PDZD2: variants seen among roughly 807,000 people sequenced by gnomAD.
PDZD2 encodes PDZ domain containing 2.
In PDZD2, 90 loss-of-function variants were observed where a neutral mutation model predicts 220.7. The observed-to-expected ratio is 0.41, with a 90% CI of 0.34 to 0.49. The LOEUF is 0.49. PDZD2 is among the 20% of genes least tolerant of loss of function. The pLI, the probability that PDZD2 is intolerant of heterozygous loss-of-function variation, is 0.28. For synonymous variants in PDZD2, 1,375 were observed against 1,450.5 expected (o/e 0.95, Z 1.18); for missense variants, 3,174 against 3,608.5 (o/e 0.88, Z 3.08).
chr5:31,839,038 A>G (rs893852867), intron 2 of PDZD2, among the ~76,000 whole-genome samples: 11 of 152,124 alleles, frequency 7.2e-5, no homozygotes, highest in Admixed American at 7.2e-4. Context: ...CTCACCAGAA[A>G]GAGATTTGGG....
At chr5:31,767,727 C>CA (rs760723122) in intron 1 of PDZD2, among the ~76,000 whole-genome samples, 18 of 152,296 alleles carry the variant, frequency 1.2e-4, no homozygotes, top group Middle Eastern at 3.4e-3. Flanking sequence ...AGACTTGAAG[C>CA]AATTGCCCAG....
intron 7 of PDZD2, among the ~76,000 whole-genome samples, chr5:32,037,588 A>G (rs1347671779): frequency 1.3e-5 from 2 of 152,182 alleles, no homozygotes; most frequent in African/African-American, 2.4e-5. Flanking sequence ...GTCCTGAAAC[A>G]TGACTGTCTT....
chr5:31,949,611 G>C (rs922894383), intron 2 of PDZD2, among the ~76,000 whole-genome samples: 1 of 151,176 alleles, frequency 6.6e-6, no homozygotes, highest in Non-Finnish European at 1.5e-5. Flanking sequence ...TGTTCTTCGG[G>C]GTTAAGCACC....
intron 1 of PDZD2, among the ~76,000 whole-genome samples, chr5:31,776,538 G>A (rs1436736664): frequency 1.3e-5 from 2 of 150,290 alleles, no homozygotes; most frequent in Non-Finnish European, 3.0e-5. Context: ...GGCTGGTCTC[G>A]AACTCCTGAC....
intron 2 of PDZD2, among the ~76,000 whole-genome samples, chr5:31,932,364 C>A (rs928114783): frequency 6.6e-6 from 1 of 152,098 alleles, no homozygotes; most frequent in South Asian, 2.1e-4. Flanking sequence ...GCCTGGCCAA[C>A]ATGGTGAAAC....
At chr5:31,999,091 T>C (rs557426114) in intron 4 of PDZD2, among the ~76,000 whole-genome samples, 9 of 152,370 alleles carry the variant, frequency 5.9e-5, no homozygotes, top group Admixed American at 5.2e-4. Context: ...CACCTGAGTC[T>C]CTTGCCAGCC....
At chr5:32,027,447 G>C (rs1409312758) in intron 6 of PDZD2, among the ~76,000 whole-genome samples, 1 of 152,186 alleles carries the variant, frequency 6.6e-6, no homozygotes, top group Non-Finnish European at 1.5e-5. Flanking sequence ...GGTGATGAAT[G>C]GGAGGAAGCT....
At chr5:31,711,374 A>G (rs417376) in intron 1 of PDZD2, among the ~76,000 whole-genome samples, 115,120 of 152,184 alleles carry the variant, frequency 0.76, 43,661 homozygotes, top group East Asian at 0.94. Context: ...AAACAGAGGA[A>G]AGGGTCTCTT....
chr5:31,984,904 A>G (rs1347013167), intron 3 of PDZD2, among the ~76,000 whole-genome samples: 2 of 152,194 alleles, frequency 1.3e-5, no homozygotes, highest in African/African-American at 4.8e-5. Flanking sequence ...GATTTCTGCC[A>G]TTATAGCCAA....
chr5:31,878,670 C>T (rs1004690976), intron 2 of PDZD2, among the ~76,000 whole-genome samples: 7 of 147,752 alleles, frequency 4.7e-5, no homozygotes, highest in African/African-American at 1.5e-4. Context: ...ACGCCATTCT[C>T]CTGCCTCAGC....
In PDZD2 at chr5:31,667,832, G is replaced by A. The variant is rs1746052882; in HGVS notation, c.-361+28395G>A. On this transcript the variant is annotated intron_variant, in intron 1 of 24. Coordinates refer to ENST00000438447, the MANE Select transcript of PDZD2 (RefSeq NM_178140.4). ...GGAAGGTAGAGGGGAAGTCTGCAGA[G>A]AACAAACTGCCTTTTTTTTTTCCTT... Among the ~76,000 whole-genome samples the A allele has an allele frequency of 3.4e-5, 5 of 145,882 alleles. No homozygotes were observed. The South Asian group carries it at 1.1e-3, about 33-fold the overall frequency.
At chr5:32,050,735 C>T (rs192919655) in intron 8 of PDZD2, among the ~76,000 whole-genome samples, 221 of 152,252 alleles carry the variant, frequency 1.5e-3, no homozygotes, top group Non-Finnish European at 2.4e-3. Context: ...GTGGGAGGAT[C>T]GCTTGAGCCC....
chr5:32,031,068 G>T (rs10223304), intron 6 of PDZD2, among the ~76,000 whole-genome samples: 3 of 151,926 alleles, frequency 2.0e-5, no homozygotes, highest in African/African-American at 7.3e-5. Flanking sequence ...AAAATCATTT[G>T]TCTCATGTTT....
intron 2 of PDZD2, among the ~76,000 whole-genome samples, chr5:31,932,250 A>C (rs1392140340): frequency 6.6e-6 from 1 of 152,126 alleles, no homozygotes; most frequent in Non-Finnish European, 1.5e-5. Flanking sequence ...GCCAATGAGA[A>C]AATGTAAAGA....
At chr5:31,776,126 G>A (rs1427377577) in intron 1 of PDZD2, among the ~76,000 whole-genome samples, 2 of 152,226 alleles carry the variant, frequency 1.3e-5, no homozygotes, top group African/African-American at 2.4e-5. Flanking sequence ...GACAAGGCCT[G>A]TGTGAATAAG....
chr5:31,994,597 T>TCC (rs1347681206), intron 3 of PDZD2, among the ~76,000 whole-genome samples: 3 of 152,124 alleles, frequency 2.0e-5, no homozygotes, highest in Non-Finnish European at 4.4e-5. Flanking sequence ...GTGGTTCTCC[T>TCC]CCCTCAGCCT....
intron 21 of PDZD2, among the ~76,000 whole-genome samples, chr5:32,095,904 C>CTT (rs78609791): frequency 9.8e-4 from 119 of 121,314 alleles, no homozygotes; most frequent in South Asian, 1.9e-3. Flanking sequence ...CCATGCCCGG[C>CTT]TTTTTTTTTT....
intron 19 of PDZD2, among the ~76,000 whole-genome samples, chr5:32,079,799 G>A (rs912511730): frequency 6.6e-6 from 1 of 151,850 alleles, no homozygotes; most frequent in African/African-American, 2.4e-5. Flanking sequence ...CAAAAAGAGC[G>A]AGACTCCGTC....
In PDZD2 at chr5:32,098,565, C is replaced by T. The variant is rs1416291147; in HGVS notation, c.8149C>T (p.Gln2717Ter). ...GMDQPRPSARQEPPTANGKGL... is the reference protein window; with the variant it reads ...GMDQPRPSAR ...GGATCAGCCCAGGCCCTCTGCCCGG[C>T]AGGAGCCTCCCACAGCCAATGGGAA... is the stretch of plus-strand genomic sequence containing the variant. Residue 2717 changes from glutamine (Q) to a stop codon, truncating the protein, a stop_gained, in exon 23 of 25, where the codon CAG becomes TAG. Coordinates refer to ENST00000438447, the MANE Select transcript of PDZD2 (RefSeq NM_178140.4). LOFTEE classifies it high-confidence loss of function. This position sits in a 1 kb window ranked among gnomAD's most constrained non-coding sequence, Gnocchi z 4.1. 6.2e-7 allele frequency: 1 copy of T among 1,614,146 alleles called. No individual in the cohort carries two copies. Among genetic ancestry groups the T allele is most frequent in the South Asian group, 1.1e-5 (1 of 91,080 alleles).
Sources: gnomAD v4.1 joint callset for allele counts (sites outside exome capture counted in the v4.1 genomes callset) on GRCh38, gnomAD v4.1.1 for gene constraint, Gnocchi (gnomAD v3.1) non-coding constraint, MANE v1.5 for transcripts, NCBI Gene and HGNC (gene_info 2026-07-23, HGNC 2026-07-21) for gene names.